Variants in GALNTL6 observed in about 807,000 individuals in gnomAD.
The protein encoded by GALNTL6 is polypeptide N-acetylgalactosaminyltransferase-like 6.
A neutral mutation model predicts 73.7 loss-of-function variants in GALNTL6; 46 were observed. The observed-to-expected ratio is 0.62, with a 90% CI of 0.49 to 0.80. The LOEUF is 0.80. Ranked by LOEUF, GALNTL6 falls within the 30% of genes least tolerant of loss-of-function variation. The probability of loss-of-function intolerance (pLI) is 0.00; values close to 1 mark genes in which losing one functional copy is unlikely to be tolerated. For missense variants in GALNTL6, 604 were observed against 755.0 expected, an observed-to-expected ratio of 0.80 and a Z score of 2.34; for synonymous variants, 259 against 263.7, an observed-to-expected ratio of 0.98 and a Z score of 0.17.
At chr4:172,830,725 C>T (rs1742579254) in intron 7 of GALNTL6, among the ~76,000 whole-genome samples, 1 of 152,076 alleles carries the variant, frequency 6.6e-6, no homozygotes, top group South Asian at 2.1e-4. Context: ...AACTGAACTC[C>T]CATGAAGGGA....
Position 172,348,655 on chromosome 4 carries a change from A to G in GALNTL6, c.519A>G (p.Ala173=). The change falls in exon 5 of 13, where the codon GCA becomes GCG. Residue 173 remains alanine, a synonymous_variant. Transcript: ENST00000506823. The part of the protein sequence containing the change: ...IINRTPGSLI[A]EIILVDDFSE... ...ACCGAACCCCAGGGAGTCTGATAGC[A>G]GAAATCATTCTAGTAGATGACTTCA... 2 of 1,611,814 alleles carry G rather than the reference A, an allele frequency of 1.2e-6. No individual in the cohort carries two copies. The highest frequency in any genetic ancestry group is 1.1e-5 in the South Asian group (1 of 90,568).
At chr4:171,986,037 C>CAAAAAAA (rs10686994) in intron 2 of GALNTL6, among the ~76,000 whole-genome samples, 1 of 82,102 alleles carries the variant, frequency 1.2e-5, no homozygotes, top group Non-Finnish European at 2.1e-5. Context: ...GACTCTGTCT[C>CAAAAAAA]AAAAAAAAAA....
intron 3 of GALNTL6, among the ~76,000 whole-genome samples, chr4:172,270,438 G>T (rs901602529): frequency 1.3e-5 from 2 of 152,134 alleles, no homozygotes; most frequent in Non-Finnish European, 2.9e-5. Flanking sequence ...ATAGGCTAGT[G>T]TGTATGTATT....
chr4:172,858,552 T>A (rs1459156), intron 7 of GALNTL6, among the ~76,000 whole-genome samples: 97,657 of 151,514 alleles, frequency 0.64, 33,250 homozygotes, highest in East Asian at 0.91. Flanking sequence ...GCTGCTGGCC[T>A]GGCATAGTGG....
intron 7 of GALNTL6, among the ~76,000 whole-genome samples, chr4:172,859,274 C>T (rs73000164): frequency 0.027 from 4,080 of 152,122 alleles, 174 homozygotes; most frequent in African/African-American, 0.093. Context: ...ATAGTTTTAC[C>T]TGGTGTCACC....
chr4:172,397,112 A>G (rs2111315626), intron 5 of GALNTL6, among the ~76,000 whole-genome samples: 1 of 152,266 alleles, frequency 6.6e-6, no homozygotes, highest in South Asian at 2.1e-4. Context: ...GTGTTTGTTC[A>G]TGTGAGAGAT....
At chr4:172,261,119 A>G (rs530287226) in intron 3 of GALNTL6, among the ~76,000 whole-genome samples, 1 of 151,574 alleles carries the variant, frequency 6.6e-6, no homozygotes, top group African/African-American at 2.4e-5. Context: ...GACTTGCTTC[A>G]TATAATGAAT....
intron 2 of GALNTL6, among the ~76,000 whole-genome samples, chr4:171,923,669 G>A (rs1021681039): frequency 4.9e-4 from 74 of 151,184 alleles, no homozygotes; most frequent in Admixed American, 2.0e-4. Context: ...GCCTCCCAAA[G>A]TGCTGGGATT....
chr4:172,112,840 C>A (rs1211202502), intron 2 of GALNTL6, among the ~76,000 whole-genome samples: 2 of 151,644 alleles, frequency 1.3e-5, no homozygotes, highest in Admixed American at 6.6e-5. Context: ...CCCTTTTAAC[C>A]ATAAGATGTT....
rs150888013 is a variant in GALNTL6, at chr4:171,820,038, A to G, written c.138+5320A>G. Among the ~76,000 whole-genome samples the G allele has an allele frequency of 2.6e-5, 4 of 152,238 alleles. No homozygotes were observed. The East Asian group carries it at 7.7e-4, about 29-fold the overall frequency. ...CCTCACTGTACAGCTAATGATTTCTAAATTATCTCAAAATGTAGTCGTAAT... is the reference window on the plus strand; with the variant it reads ...CCTCACTGTACAGCTAATGATTTCTGAATTATCTCAAAATGTAGTCGTAAT... On this transcript the variant is annotated intron_variant, in intron 2 of 12. Coordinates refer to ENST00000506823, the MANE Select transcript of GALNTL6 (RefSeq NM_001034845.3).
intron 2 of GALNTL6, among the ~76,000 whole-genome samples, chr4:171,969,234 A>G (rs918928787): frequency 2.2e-4 from 33 of 151,966 alleles, no homozygotes; most frequent in African/African-American, 8.0e-4. Flanking sequence ...CACCTTCTTG[A>G]CTCTGCTATA....
At position 171,958,793 on chromosome 4, in the gene GALNTL6, G is replaced by T. The variant is rs190408713; in HGVS notation, c.138+144075G>T. 3.9e-4 allele frequency among the ~76,000 whole-genome samples: 59 copies of T among 152,034 alleles called. No homozygotes were observed. In the East Asian group the frequency reaches 0.01, roughly 26 times the overall value. ...ATCAGTTTTCTACAGTCATTACATA[G>T]CCCATTATTTATATTTCTTTGACTC... On this transcript the variant is annotated intron_variant, in intron 2 of 12. Coordinates refer to ENST00000506823, the MANE Select transcript of GALNTL6 (RefSeq NM_001034845.3).
chr4:171,900,834 C>T (rs958398135), intron 2 of GALNTL6, among the ~76,000 whole-genome samples: 15 of 151,826 alleles, frequency 9.9e-5, no homozygotes, highest in Non-Finnish European at 1.5e-5. Context: ...TAGACTATTC[C>T]ACAAGAATTT....
chr4:172,404,322 G>C (rs1207163880), intron 5 of GALNTL6, among the ~76,000 whole-genome samples: 2 of 151,886 alleles, frequency 1.3e-5, no homozygotes, highest in Non-Finnish European at 2.9e-5. Flanking sequence ...AACCCAATGA[G>C]AAAGGATGAA....
In GALNTL6 at chr4:172,888,708, T is replaced by C. The variant is rs188587097; in HGVS notation, c.1041+5801T>C. 2.3e-4 allele frequency among the ~76,000 whole-genome samples: 35 copies of C among 152,306 alleles called. No individual in the cohort carries two copies. The East Asian group carries it at 6.6e-3, about 29-fold the overall frequency. The stretch of plus-strand genomic sequence containing the variant: ...GGTAATGTGGTACCTCCGGCTCTGT[T>C]CTTTTTGCTTAGGATTGCCTTGGCT... On this transcript the variant is annotated intron_variant, in intron 8 of 12. Transcript: ENST00000506823.
chr4:172,895,309 C>T (rs140575644), intron 8 of GALNTL6, among the ~76,000 whole-genome samples: 1 of 150,178 alleles, frequency 6.7e-6, no homozygotes, highest in African/African-American at 2.4e-5. Context: ...AAGTGATTTG[C>T]TCTGATAGTA....
intron 5 of GALNTL6, among the ~76,000 whole-genome samples, chr4:172,779,852 A>AT (rs796421242): frequency 1.7e-3 from 260 of 151,824 alleles, no homozygotes; most frequent in African/African-American, 5.3e-3. Context: ...CTTTAGAGAG[A>AT]TTTTTTTTTC....
chr4:172,765,909 A>C (rs1738379366), intron 5 of GALNTL6, among the ~76,000 whole-genome samples: 1 of 152,192 alleles, frequency 6.6e-6, no homozygotes. Flanking sequence ...ATTTTTTAAA[A>C]AAAGAAAAGA....
chr4:172,958,378 G>T (rs1050220791), intron 10 of GALNTL6, among the ~76,000 whole-genome samples: 6 of 152,174 alleles, frequency 3.9e-5, no homozygotes, highest in Non-Finnish European at 1.5e-5. Flanking sequence ...AATGGAAAGG[G>T]TTGGGATGAG....
Sources: allele counts gnomAD v4.1 joint callset (sites outside exome capture counted in the v4.1 genomes callset), GRCh38; gene constraint gnomAD v4.1.1; transcripts MANE v1.5; gene names NCBI Gene and HGNC (gene_info 2026-07-23, HGNC 2026-07-21).